UNC13B: variants seen among roughly 807,000 people sequenced by gnomAD.
UNC13B encodes protein unc-13 homolog B.
Under a neutral mutation model 211.0 loss-of-function variants are expected in UNC13B, and 144 were observed. The ratio of observed to expected loss-of-function variants is 0.68; its 90% CI spans 0.60 to 0.78. The LOEUF (loss-of-function observed/expected upper bound fraction) is 0.78, where lower values mean the gene tolerates loss of function less well. UNC13B is among the 30% of genes least tolerant of loss of function. The pLI, the probability that UNC13B is intolerant of heterozygous loss-of-function variation, is 0.00. For synonymous variants in UNC13B, 709 were observed against 725.8 expected (o/e 0.98, Z 0.37); for missense variants, 1,777 against 2,002.0 (o/e 0.89, Z 2.14).
At chr9:35,213,110 T>C (rs1458684942) in intron 1 of UNC13B, among the ~76,000 whole-genome samples, 1 of 152,248 alleles carries the variant, frequency 6.6e-6, no homozygotes, top group Non-Finnish European at 1.5e-5. Context: ...CTAAGTGGTA[T>C]GTATAAATTC....
chr9:35,368,451 G>A (rs1833911985), intron 12 of UNC13B, among the ~76,000 whole-genome samples: 1 of 152,172 alleles, frequency 6.6e-6, no homozygotes, highest in Admixed American at 6.5e-5. Context: ...TCTTTATCCA[G>A]TGTGCCACTG....
At chr9:35,291,729 C>G (rs956191277) in intron 7 of UNC13B, among the ~76,000 whole-genome samples, 1 of 152,118 alleles carries the variant, frequency 6.6e-6, no homozygotes, top group Non-Finnish European at 1.5e-5. Flanking sequence ...AAACATGTAG[C>G]CCTAGGCTGA....
intron 1 of UNC13B, among the ~76,000 whole-genome samples, chr9:35,203,341 A>G (rs964566623): frequency 4.6e-5 from 7 of 152,148 alleles, no homozygotes; most frequent in Admixed American, 2.6e-4. Flanking sequence ...AGCTCTTATA[A>G]GGCAGGCCTG....
intron 11 of UNC13B, chr9:35,353,253 A>C: frequency 8.1e-7 from 1 of 1,232,280 alleles, no homozygotes; most frequent in Non-Finnish European, 1.0e-6. Flanking sequence ...GAGGATGTGG[A>C]AATCAAGTTT....
intron 1 of UNC13B, among the ~76,000 whole-genome samples, chr9:35,191,143 AC>A (rs1465449282): frequency 1.3e-5 from 2 of 152,042 alleles, no homozygotes; most frequent in Admixed American, 6.6e-5. Flanking sequence ...TAGTTTTAGT[AC>A]AGATGGGGTT....
intron 4 of UNC13B, among the ~76,000 whole-genome samples, chr9:35,237,123 C>G (rs769640140): frequency 6.6e-6 from 1 of 152,198 alleles, no homozygotes; most frequent in African/African-American, 2.4e-5. Flanking sequence ...ACTCTTGCCT[C>G]ACTTTCCTAG....
intron 1 of UNC13B, among the ~76,000 whole-genome samples, chr9:35,208,618 G>C (rs927326935): frequency 1.3e-5 from 2 of 152,194 alleles, no homozygotes; most frequent in Non-Finnish European, 2.9e-5. Flanking sequence ...AAGAGCAAGA[G>C]TGGGGAGGTG....
At position 35,295,766 on chromosome 9, in the gene UNC13B, C is replaced by G. The variant is rs1829322727; in HGVS notation, c.597C>G (p.Phe199Leu). 6.2e-7 allele frequency: 1 copy of G among 1,613,996 alleles called. No homozygotes were observed. The highest frequency in any genetic ancestry group is 8.5e-7 in the Non-Finnish European group (1 of 1,180,022). Residue 199 changes from phenylalanine to leucine, a missense_variant, in exon 8 of 40, where the codon TTC (phenylalanine) becomes TTG (leucine). Phe to Leu is a conservative substitution (Grantham distance 22). Coordinates refer to ENST00000635942, the MANE Select transcript of UNC13B (RefSeq NM_001371189.2). Reference protein sequence around the residue: ...SDYRSETSNSFPPPYHTASQP... With the variant: ...SDYRSETSNSLPPPYHTASQP... ...ATCGCAGTGAGACCAGCAACAGCTT[C>G]CCACCTCCTTACCATACAGCTTCCC...
chr9:35,254,540 G>T (rs1826703748), intron 6 of UNC13B, among the ~76,000 whole-genome samples: 2 of 152,046 alleles, frequency 1.3e-5, no homozygotes, highest in Admixed American at 6.6e-5. Context: ...GGGGTGGTGG[G>T]ATACAAACAT....
rs542926296 is a variant in UNC13B, at chr9:35,266,086, G to C, written c.526+7036G>C. On this transcript the variant is annotated intron_variant, in intron 7 of 39. Transcript: ENST00000635942. ...CAAAAGTGCTGGGATTATAGGCGTT[G>C]AGCCACCAAGCCCAGTTGAGTCCTT... Among the ~76,000 whole-genome samples, 50 of 152,224 alleles carry C rather than the reference G, an allele frequency of 3.3e-4. 1 individual carries two copies. Among genetic ancestry groups the C allele is most frequent in the South Asian group, 1.5e-3 (7 of 4,818 alleles).
At chr9:35,340,792 G>C (rs938078796) in intron 11 of UNC13B, among the ~76,000 whole-genome samples, 1 of 152,174 alleles carries the variant, frequency 6.6e-6, no homozygotes, top group South Asian at 2.1e-4. Flanking sequence ...AGGTTATCTA[G>C]GTTCATTATG....
At chr9:35,257,984 G>A (rs1212922769) in intron 6 of UNC13B, among the ~76,000 whole-genome samples, 1 of 151,950 alleles carries the variant, frequency 6.6e-6, no homozygotes, top group Non-Finnish European at 1.5e-5. Flanking sequence ...AACCCTAAAG[G>A]GCTTCTAAGT....
chr9:35,312,285 A>G (rs928232061), intron 10 of UNC13B, among the ~76,000 whole-genome samples: 2 of 152,250 alleles, frequency 1.3e-5, no homozygotes. Context: ...CACTGGATTA[A>G]TAGATGAGTC....
At chr9:35,357,115 T>C (rs1356903029) in intron 11 of UNC13B, among the ~76,000 whole-genome samples, 2 of 152,246 alleles carry the variant, frequency 1.3e-5, no homozygotes, top group East Asian at 3.8e-4. Context: ...GTAAAATTGC[T>C]GGGTCATATG....
intron 1 of UNC13B, among the ~76,000 whole-genome samples, chr9:35,190,534 A>C (rs909329673): frequency 6.6e-6 from 1 of 152,056 alleles, no homozygotes; most frequent in African/African-American, 2.4e-5. Context: ...CATGAGGAAA[A>C]CAGTTTTTTT....
chr9:35,317,198 ATGTT>A (rs932310041), intron 11 of UNC13B, among the ~76,000 whole-genome samples: 1 of 152,096 alleles, frequency 6.6e-6, no homozygotes, highest in Non-Finnish European at 1.5e-5. Context: ...AGGCAAACAA[ATGTT>A]TGTTTATTTA....
chr9:35,254,901 T>C (rs548739577), intron 6 of UNC13B, among the ~76,000 whole-genome samples: 2 of 98,568 alleles, frequency 2.0e-5, no homozygotes, highest in East Asian at 5.4e-4. Flanking sequence ...ATAATATACG[T>C]ATATAATATA....
rs994495090 is a variant in UNC13B at position 35,375,121 on chromosome 9, T to C, written c.9541-6T>C. ...GTCAGGGCTAACAGCAGATCTTCCC[T>C]GACAGTCACTGGTCCAGTCTCGGAA... On this transcript the variant is annotated splice_polypyrimidine_tract_variant and splice_region_variant and intron_variant, in intron 13 of 39. Coordinates refer to ENST00000635942, the MANE Select transcript of UNC13B (RefSeq NM_001371189.2). 1 of 1,614,084 alleles carries C rather than the reference T, an allele frequency of 6.2e-7. No individual in the cohort carries two copies. The highest frequency in any genetic ancestry group is 1.3e-5 in the African/African-American group (1 of 75,050).
At chr9:35,319,910 C>T (rs1437855684) in intron 11 of UNC13B, among the ~76,000 whole-genome samples, 1 of 152,168 alleles carries the variant, frequency 6.6e-6, no homozygotes, top group Non-Finnish European at 1.5e-5. Context: ...ATCCTCTTGT[C>T]TCAGACTCCC....
Sources: gnomAD v4.1 joint callset for allele counts (sites outside exome capture counted in the v4.1 genomes callset) on GRCh38, gnomAD v4.1.1 for gene constraint, MANE v1.5 for transcripts, NCBI Gene and HGNC (gene_info 2026-07-23, HGNC 2026-07-21) for gene names.